The following ZNF670 variants were observed in gnomAD, a reference collection of about 807,000 sequenced individuals.
ZNF670 encodes the protein zinc finger protein 670.
In ZNF670, 7 loss-of-function variants were observed where a neutral mutation model predicts 10.9. The ratio of observed to expected loss-of-function variants is 0.64; its 90% CI spans 0.36 to 1.20. The LOEUF (loss-of-function observed/expected upper bound fraction) is 1.20. Among genes scored for constraint, ZNF670 ranks in the 50% most tolerant of loss-of-function variants. ZNF670 has a pLI of 0.02. For missense variants in ZNF670, 446 were observed against 458.6 expected, an observed-to-expected ratio of 0.97 and a Z score of 0.25; for synonymous variants, 136 against 152.7, an observed-to-expected ratio of 0.89 and a Z score of 0.81.
At chr1:247,040,235 A>C (rs1670272853) in intron 1 of ZNF670, among the ~76,000 whole-genome samples, 1 of 152,244 alleles carries the variant, frequency 6.6e-6, no homozygotes, top group South Asian at 2.1e-4. Flanking sequence ...GATTATAATA[A>C]GAAAATATTT....
chr1:247,046,255 A>C (rs1482859665), intron 1 of ZNF670, among the ~76,000 whole-genome samples: 1 of 152,238 alleles, frequency 6.6e-6, no homozygotes, highest in African/African-American at 2.4e-5. Flanking sequence ...AGGTGCCAAC[A>C]GCCATGAGGC....
intron 1 of ZNF670, among the ~76,000 whole-genome samples, chr1:247,049,192 G>A (rs1043118006): frequency 8.1e-5 from 12 of 148,676 alleles, no homozygotes; most frequent in Admixed American, 1.4e-4. Flanking sequence ...TCCACCTGCC[G>A]GGTTAAGTGA....
chr1:247,063,336 G>A (rs977973615), intron 1 of ZNF670, among the ~76,000 whole-genome samples: 1 of 152,204 alleles, frequency 6.6e-6, no homozygotes, highest in Admixed American at 6.5e-5. Context: ...CACTTTGGGA[G>A]GCTGAGGCGG....
chr1:247,059,333 C>A (rs552540185), intron 1 of ZNF670, among the ~76,000 whole-genome samples: 25 of 152,082 alleles, frequency 1.6e-4, no homozygotes, highest in African/African-American at 6.0e-4. Flanking sequence ...GTAGTCCCAG[C>A]TACTCAGGAG....
At chr1:247,063,241 C>CGTGAACT (rs1278317929) in intron 1 of ZNF670, among the ~76,000 whole-genome samples, 2 of 152,200 alleles carry the variant, frequency 1.3e-5, no homozygotes, top group East Asian at 3.9e-4. Flanking sequence ...ATAATATTGT[C>CGTGAACT]GTGAACTAGA....
chr1:247,072,804 G>GTATATATATATATATATATA (rs74163726), intron 1 of ZNF670, among the ~76,000 whole-genome samples: 66 of 47,592 alleles, frequency 1.4e-3, no homozygotes, highest in Middle Eastern at 0.012. Context: ...AAAAGTGTGT[G>GTATATATATATATATATATA]TATATATATA....
intron 1 of ZNF670, among the ~76,000 whole-genome samples, chr1:247,055,859 C>T (rs549052535): frequency 1.3e-5 from 2 of 152,132 alleles, no homozygotes; most frequent in African/African-American, 4.8e-5. Context: ...AAAAGAATAG[C>T]TATACTTATA....
chr1:247,067,996 T>C (rs1401071625), intron 1 of ZNF670, among the ~76,000 whole-genome samples: 1 of 150,166 alleles, frequency 6.7e-6, no homozygotes, highest in Non-Finnish European at 1.5e-5. Flanking sequence ...CAAACAACTC[T>C]ATAGGAAAAA....
chr1:247,050,542 C>T (rs570219616), intron 1 of ZNF670, among the ~76,000 whole-genome samples: 2 of 150,866 alleles, frequency 1.3e-5, no homozygotes, highest in Non-Finnish European at 2.9e-5. Flanking sequence ...GTGGCACCAT[C>T]TCAGCTCACT....
At chr1:247,055,053 C>T (rs913552647) in intron 1 of ZNF670, among the ~76,000 whole-genome samples, 1 of 152,162 alleles carries the variant, frequency 6.6e-6, no homozygotes, top group South Asian at 2.1e-4. Context: ...TTGCACAAAC[C>T]TCCAGCCCAA....
At chr1:247,073,054 C>A (rs1186762436) in intron 1 of ZNF670, among the ~76,000 whole-genome samples, 2 of 151,812 alleles carry the variant, frequency 1.3e-5, no homozygotes. Context: ...TAGAAAAGAT[C>A]AGAACACCAG....
intron 1 of ZNF670, among the ~76,000 whole-genome samples, chr1:247,076,430 G>A (rs1356274013): frequency 1.3e-5 from 2 of 150,772 alleles, no homozygotes; most frequent in Non-Finnish European, 3.0e-5. Context: ...CTAATTTTTT[G>A]TATTTTTAGT....
intron 1 of ZNF670, chr1:247,043,728 C>T: frequency 2.3e-6 from 1 of 435,662 alleles, no homozygotes. Flanking sequence ...TACCGCAGAG[C>T]CCTTTTAGCG....
At chr1:247,053,791 G>A (rs1262287108) in intron 1 of ZNF670, among the ~76,000 whole-genome samples, 3 of 152,168 alleles carry the variant, frequency 2.0e-5, no homozygotes, top group Non-Finnish European at 4.4e-5. Flanking sequence ...GAGGAAGATG[G>A]CCAAATAGAA....
chr1:247,041,086 T>C (rs1670297164), intron 1 of ZNF670, among the ~76,000 whole-genome samples: 1 of 152,310 alleles, frequency 6.6e-6, no homozygotes, highest in South Asian at 2.1e-4. Context: ...GTAGAGCAAA[T>C]TGGTACTAAC....
intron 1 of ZNF670, among the ~76,000 whole-genome samples, chr1:247,049,998 G>C (rs1670553865): frequency 6.6e-6 from 1 of 152,194 alleles, no homozygotes; most frequent in African/African-American, 2.4e-5. Context: ...TGCATACACT[G>C]CAATTGTTGA....
intron 1 of ZNF670, 78 bp from the exon 2 acceptor site, chr1:247,039,615 C>A: frequency 7.3e-7 from 1 of 1,376,304 alleles, no homozygotes; most frequent in Non-Finnish European, 9.5e-7. Flanking sequence ...CTCATAAAAT[C>A]GTAACATAAT....
chr1:247,066,231 C>T lies in ZNF670; in HGVS notation c.3+12363G>A, dbSNP rs148530619. Among the ~76,000 whole-genome samples, 259 of 152,198 alleles carry T rather than the reference C, an allele frequency of 1.7e-3. 1 individual carries two copies. The highest frequency in any genetic ancestry group is 5.9e-3 in the African/African-American group (243 of 41,526). On this transcript the variant is annotated intron_variant, in intron 1 of 3. Transcript: ENST00000366503. ...GACCGAGAAAGGATGCAGGCTGAAACGGGAGAAAGGTGGGAACCCCACCCA... is the reference window on the plus strand; with the variant it reads ...GACCGAGAAAGGATGCAGGCTGAAATGGGAGAAAGGTGGGAACCCCACCCA...
chr1:247,072,313 G>GT (rs1203619136), intron 1 of ZNF670, among the ~76,000 whole-genome samples: 4 of 147,016 alleles, frequency 2.7e-5, no homozygotes, highest in African/African-American at 5.1e-5. Flanking sequence ...GCCATGCCTG[G>GT]TTTTGTTTTT....
Sources: allele counts gnomAD v4.1 joint callset (sites outside exome capture counted in the v4.1 genomes callset), GRCh38; gene constraint gnomAD v4.1.1; transcripts MANE v1.5; gene names NCBI Gene and HGNC (gene_info 2026-07-23, HGNC 2026-07-21).